ABI1: variants seen among roughly 807,000 people sequenced by gnomAD.
ABI1 encodes Abelson interactor 1.
A neutral mutation model predicts 54.6 loss-of-function variants in ABI1; 14 were observed. The ratio of observed to expected loss-of-function variants is 0.26; its 90% CI spans 0.17 to 0.40. ABI1 has a LOEUF of 0.40. Among genes scored for constraint, ABI1 ranks in the 10% least tolerant of loss-of-function variants. The pLI is 1.00. For missense variants in ABI1, 443 were observed against 598.3 expected, an observed-to-expected ratio of 0.74 and a Z score of 2.71; for synonymous variants, 194 against 209.3, an observed-to-expected ratio of 0.93 and a Z score of 0.63.
intron 2 of ABI1, among the ~76,000 whole-genome samples, chr10:26,795,679 A>T (rs1199369074): frequency 3.3e-5 from 5 of 152,212 alleles, no homozygotes; most frequent in Non-Finnish European, 5.9e-5. Context: ...ACTTAGGAGT[A>T]AATTTAACCG....
At chr10:26,797,609 G>T (rs1429417363) in intron 2 of ABI1, among the ~76,000 whole-genome samples, 1 of 152,038 alleles carries the variant, frequency 6.6e-6, no homozygotes, top group African/African-American at 2.4e-5. Context: ...TAAAAATGAG[G>T]GAGAATCTCA....
chr10:26,838,073 G>C (rs2049222169), intron 1 of ABI1, among the ~76,000 whole-genome samples: 1 of 149,720 alleles, frequency 6.7e-6, no homozygotes, highest in Non-Finnish European at 1.5e-5. Context: ...ACCCAGGCTA[G>C]AGTACAGTAG....
At chr10:26,829,894 A>T (rs954139468) in intron 1 of ABI1, among the ~76,000 whole-genome samples, 3 of 152,206 alleles carry the variant, frequency 2.0e-5, no homozygotes, top group African/African-American at 7.2e-5. Flanking sequence ...TCAGTGTACA[A>T]TTCAATGTGC....
intron 1 of ABI1, among the ~76,000 whole-genome samples, chr10:26,828,429 T>A: frequency 6.6e-6 from 1 of 152,246 alleles, no homozygotes; most frequent in East Asian, 1.9e-4. Flanking sequence ...ACTTGCTCGA[T>A]GCAAGGTTGC....
chr10:26,751,647 T>C lies in ABI1; in HGVS notation c.1221A>G (p.Pro407=), dbSNP rs910470720. The change falls in exon 10 of 11, where the codon CCA becomes CCG. Residue 407 remains proline, a synonymous_variant. Coordinates refer to ENST00000376140, the MANE Select transcript of ABI1 (RefSeq NM_001012750.3). ...CCCAAGCAGGATCCCCATCTGCATA[T>C]GGATCATTATACTGAACTACTGCAG... ...EEAAVVQYND[P]YADGDPAWAP... is the part of the protein sequence containing the mutation. 1.4e-5 allele frequency: 23 copies of C among 1,613,804 alleles called. No homozygotes were observed. Among genetic ancestry groups the C allele is most frequent in the East Asian group, 1.3e-4 (6 of 44,868 alleles).
chr10:26,808,428 G>A (rs1024194461), intron 2 of ABI1, among the ~76,000 whole-genome samples: 1 of 152,050 alleles, frequency 6.6e-6, no homozygotes, highest in Non-Finnish European at 1.5e-5. Flanking sequence ...GTGGGATGGC[G>A]GGCTGGTGTG....
At chr10:26,768,734 A>C in intron 6 of ABI1, 118 bp downstream of exon 6, 1 of 754,368 alleles carries the variant, frequency 1.3e-6, no homozygotes, top group Non-Finnish European at 2.1e-6. Context: ...CCCAACTTTT[A>C]CATTTTATAT....
At position 26,834,874 on chromosome 10, in the gene ABI1, G is replaced by A. The variant is rs539410700; in HGVS notation, c.118-11569C>T. Among the ~76,000 whole-genome samples the A allele has an allele frequency of 2.0e-5, 3 of 151,642 alleles. No homozygotes were observed. The South Asian group carries it at 6.2e-4, about 32-fold the overall frequency. ...TCCCAGCACTTTGGGAGGCCGAGGC[G>A]GGCAAATCACTTGAGGTCAGGACTT... On this transcript the variant is annotated intron_variant, in intron 1 of 10. Coordinates refer to ENST00000376140, the MANE Select transcript of ABI1 (RefSeq NM_001012750.3).
At chr10:26,813,881 A>G (rs2047394201) in intron 2 of ABI1, among the ~76,000 whole-genome samples, 1 of 152,120 alleles carries the variant, frequency 6.6e-6, no homozygotes, top group Non-Finnish European at 1.5e-5. Context: ...ATTTGTTTGA[A>G]TATCTGATAT....
chr10:26,822,239 C>A (rs559141117), intron 2 of ABI1, among the ~76,000 whole-genome samples: 25 of 152,228 alleles, frequency 1.6e-4, no homozygotes, highest in African/African-American at 6.0e-4. Flanking sequence ...AATTCACCAC[C>A]CATTCCTGAT....
At chr10:26,820,045 G>A (rs2047865680) in intron 2 of ABI1, among the ~76,000 whole-genome samples, 1 of 152,162 alleles carries the variant, frequency 6.6e-6, no homozygotes, top group Middle Eastern at 3.2e-3. Flanking sequence ...AGGGAAATGG[G>A]GAGCTGTTGC....
intron 2 of ABI1, among the ~76,000 whole-genome samples, chr10:26,814,566 A>T (rs1324090097): frequency 6.6e-6 from 1 of 152,234 alleles, no homozygotes; most frequent in African/African-American, 2.4e-5. Flanking sequence ...TTTCCAGGAA[A>T]AGTGACTGGC....
intron 7 of ABI1, among the ~76,000 whole-genome samples, chr10:26,762,010 C>A (rs112383763): frequency 2.6e-5 from 4 of 151,918 alleles, no homozygotes; most frequent in Middle Eastern, 3.4e-3. Context: ...CTTCTTGAAG[C>A]CTTGTGTTTT....
At chr10:26,807,843 G>A (rs1030218794) in intron 2 of ABI1, among the ~76,000 whole-genome samples, 3 of 152,216 alleles carry the variant, frequency 2.0e-5, no homozygotes, top group Admixed American at 2.0e-4. Context: ...TGTAATCCCA[G>A]CACTTTGGGA....
At chr10:26,851,138 G>C (rs903337079) in intron 1 of ABI1, among the ~76,000 whole-genome samples, 2 of 152,120 alleles carry the variant, frequency 1.3e-5, no homozygotes, top group African/African-American at 4.8e-5. Flanking sequence ...TCAGAGAGCA[G>C]TGGAAATAGA....
chr10:26,858,623 A>G (rs1395660104), intron 1 of ABI1, among the ~76,000 whole-genome samples: 2 of 151,218 alleles, frequency 1.3e-5, no homozygotes, highest in Non-Finnish European at 2.9e-5. Flanking sequence ...AAAGTGAGAG[A>G]CTGTATGAAA....
At chr10:26,752,456 G>GT (rs1198459774) in intron 9 of ABI1, among the ~76,000 whole-genome samples, 1 of 152,192 alleles carries the variant, frequency 6.6e-6, no homozygotes, top group East Asian at 1.9e-4. Context: ...TTCATAATTA[G>GT]TTTTTTAATG....
At position 26,748,826 on chromosome 10, in the gene ABI1, T is replaced by C. The variant is rs1168568244; in HGVS notation, c.1271-81A>G. ...GAATTTTAAGACAAAGACAATTAAA[T>C]ATATAGCACAGCAAAACTATTTTTA... On this transcript the variant is annotated intron_variant, in intron 10 of 10. Coordinates refer to ENST00000376140, the MANE Select transcript of ABI1 (RefSeq NM_001012750.3). The C allele has an allele frequency of 3.0e-6, 3 of 993,652 alleles. No individual in the cohort carries two copies. The South Asian group carries it at 4.9e-5, about 16-fold the overall frequency. The allele number at this position is 993,652 out of a possible 1,614,324, so 61.6% of individuals were successfully genotyped here. A position where few individuals can be genotyped will look rare whatever the true frequency, so the allele number is the denominator to read the frequency against.
At chr10:26,793,220 C>A (rs141534324) in intron 2 of ABI1, among the ~76,000 whole-genome samples, 2 of 152,268 alleles carry the variant, frequency 1.3e-5, no homozygotes, top group East Asian at 3.9e-4. Context: ...AGAAGAGAGT[C>A]CTGAGACAAG....
Sources: gnomAD v4.1 joint callset for allele counts (sites outside exome capture counted in the v4.1 genomes callset) on GRCh38, gnomAD v4.1.1 for gene constraint, MANE v1.5 for transcripts, NCBI Gene and HGNC (gene_info 2026-07-23, HGNC 2026-07-21) for gene names.